The following ARMH1 variants were observed in gnomAD, a reference collection of about 807,000 sequenced individuals.
The protein encoded by ARMH1 is armadillo-like helical domain containing protein 1.
A neutral mutation model predicts 50.2 loss-of-function variants in ARMH1; 34 were observed. The ratio of observed to expected loss-of-function variants is 0.68; its 90% CI spans 0.51 to 0.90. The LOEUF (loss-of-function observed/expected upper bound fraction) is 0.90. Among genes scored for constraint, ARMH1 ranks in the 40% least tolerant of loss-of-function variants. ARMH1 has a pLI of 0.00. For missense variants in ARMH1, 538 were observed against 553.9 expected, an observed-to-expected ratio of 0.97 and a Z score of 0.29; for synonymous variants, 221 against 224.2, an observed-to-expected ratio of 0.99 and a Z score of 0.13.
chr1:44,682,859 G>A lies in ARMH1; in HGVS notation c.-22-6817G>A, dbSNP rs977413566. On this transcript the variant is annotated intron_variant, in intron 1 of 11. Coordinates refer to ENST00000535358, the MANE Select transcript of ARMH1 (RefSeq NM_001145636.2). The surrounding 1 kb of genome is among the most constrained non-coding windows in gnomAD (Gnocchi z 4.5). ...GGAGGCTGAGGTGGGAGGATCACTC[G>A]AGCCCAGGCGATTGAGGCTGCGGTA... is the stretch of plus-strand genomic sequence containing the variant. Among the ~76,000 whole-genome samples the A allele has an allele frequency of 2.0e-5, 3 of 152,164 alleles. No individual in the cohort carries two copies. The highest frequency in any genetic ancestry group is 3.8e-4 in the East Asian group (2 of 5,198).
At chr1:44,677,640 A>C (rs1329354914) in intron 1 of ARMH1, among the ~76,000 whole-genome samples, 1 of 152,200 alleles carries the variant, frequency 6.6e-6, no homozygotes. Flanking sequence ...GTCAGTGACC[A>C]AAGTGGAGTA....
At chr1:44,690,709 C>G (rs996983258) in intron 2 of ARMH1, among the ~76,000 whole-genome samples, 11 of 152,130 alleles carry the variant, frequency 7.2e-5, no homozygotes, top group Non-Finnish European at 1.5e-4. Flanking sequence ...AACAGAGTCT[C>G]TCTCTGTGGC....
intron 2 of ARMH1, among the ~76,000 whole-genome samples, chr1:44,694,004 T>C (rs1240237174): frequency 6.6e-6 from 1 of 152,226 alleles, no homozygotes; most frequent in Non-Finnish European, 1.5e-5. Flanking sequence ...AATGTCAGTG[T>C]GTCTGAGCAT....
At chr1:44,707,186 G>T (rs540735887) in intron 6 of ARMH1, among the ~76,000 whole-genome samples, 6 of 150,282 alleles carry the variant, frequency 4.0e-5, no homozygotes, top group Non-Finnish European at 8.8e-5. Context: ...CAGCCATCAT[G>T]GCTTTTATCC....
chr1:44,703,025 AAGG>A (rs1295098633), intron 5 of ARMH1, among the ~76,000 whole-genome samples: 1 of 152,220 alleles, frequency 6.6e-6, no homozygotes, highest in Non-Finnish European at 1.5e-5. Context: ...AGCAATAGCA[AAGG>A]AGAAGACAGA....
At chr1:44,720,898 G>A (rs557577505) in intron 6 of ARMH1, among the ~76,000 whole-genome samples, 64 of 152,134 alleles carry the variant, frequency 4.2e-4, no homozygotes, top group South Asian at 1.2e-3. Context: ...TTAGCCAGGC[G>A]TGGTGGTGCG....
chr1:44,719,604 C>T (rs1437016316), intron 6 of ARMH1, among the ~76,000 whole-genome samples: 2 of 152,220 alleles, frequency 1.3e-5, no homozygotes, highest in Non-Finnish European at 2.9e-5. Flanking sequence ...TGATAGTTTT[C>T]TGACAAAGTT....
intron 6 of ARMH1, among the ~76,000 whole-genome samples, chr1:44,712,863 CG>C (rs942160365): frequency 6.6e-6 from 1 of 151,912 alleles, no homozygotes; most frequent in African/African-American, 2.4e-5. Context: ...AGGGTTTCAC[CG>C]TGTTGGTCAG....
intron 5 of ARMH1, among the ~76,000 whole-genome samples, chr1:44,701,558 C>T (rs146886897): frequency 2.4e-3 from 366 of 151,634 alleles, no homozygotes; most frequent in Admixed American, 3.7e-3. Context: ...AAGTGAAAAC[C>T]GAATTTGGGG....
chr1:44,715,178 C>A (rs1646802558), intron 6 of ARMH1, among the ~76,000 whole-genome samples: 2 of 152,162 alleles, frequency 1.3e-5, no homozygotes, highest in Middle Eastern at 3.2e-3. Flanking sequence ...TCTGGACCTG[C>A]AGAGAAAGAC....
chr1:44,680,462 C>T (rs1314216284), intron 1 of ARMH1, among the ~76,000 whole-genome samples: 1 of 152,236 alleles, frequency 6.6e-6, no homozygotes, highest in African/African-American at 2.4e-5. Flanking sequence ...GCGTAAGCCA[C>T]TGCGCCCAGC....
intron 6 of ARMH1, among the ~76,000 whole-genome samples, chr1:44,710,814 C>A (rs998482157): frequency 2.6e-5 from 4 of 152,144 alleles, no homozygotes; most frequent in Admixed American, 2.0e-4. Flanking sequence ...TTTCATCCCC[C>A]CAAAAGGAAA....
At chr1:44,698,444 C>T (rs1314061244) in intron 4 of ARMH1, among the ~76,000 whole-genome samples, 1 of 152,178 alleles carries the variant, frequency 6.6e-6, no homozygotes, top group East Asian at 1.9e-4. Context: ...AAATACTTCT[C>T]CTTTTTAAAT....
At chr1:44,680,272 G>A (rs1400352070) in intron 1 of ARMH1, among the ~76,000 whole-genome samples, 1 of 152,204 alleles carries the variant, frequency 6.6e-6, no homozygotes, top group African/African-American at 2.4e-5. Flanking sequence ...AGCCTCCCAG[G>A]TTCAAGTGAT....
intron 6 of ARMH1, among the ~76,000 whole-genome samples, chr1:44,705,992 A>C (rs1646325912): frequency 6.6e-6 from 1 of 152,170 alleles, no homozygotes; most frequent in African/African-American, 2.4e-5. Flanking sequence ...CATTTAGAGA[A>C]GGGATGGTAA....
In ARMH1 at chr1:44,724,821, A is replaced by G. The variant is rs1478081643; in HGVS notation, c.1110A>G (p.Glu370=). The G allele has an allele frequency of 1.3e-6, 2 of 1,541,348 alleles. No homozygotes were observed. The highest frequency in any genetic ancestry group is 2.4e-5 in the East Asian group (1 of 40,854). ...AEHVRKCMGE[E]LYQLFLSNAE... is the part of the protein sequence containing the mutation. ...ACGTGCGCAAGTGCATGGGGGAGGAACTCTACCAGCTCTTCCTGGTAAGTG... is the reference window on the plus strand; with the variant it reads ...ACGTGCGCAAGTGCATGGGGGAGGAGCTCTACCAGCTCTTCCTGGTAAGTG... The change falls in exon 10 of 12, where the codon GAA becomes GAG. Residue 370 remains glutamate, a synonymous_variant. Coordinates refer to ENST00000535358, the MANE Select transcript of ARMH1 (RefSeq NM_001145636.2). This position sits in a 1 kb window ranked among gnomAD's most constrained non-coding sequence, Gnocchi z 6.4.
At chr1:44,715,177 G>C (rs531687300) in intron 6 of ARMH1, among the ~76,000 whole-genome samples, 5 of 152,180 alleles carry the variant, frequency 3.3e-5, no homozygotes, top group Admixed American at 2.0e-4. Flanking sequence ...GTCTGGACCT[G>C]CAGAGAAAGA....
chr1:44,680,440 C>G (rs886479921), intron 1 of ARMH1, among the ~76,000 whole-genome samples: 6 of 152,216 alleles, frequency 3.9e-5, no homozygotes, highest in Non-Finnish European at 7.3e-5. Flanking sequence ...TCCCAAAGTG[C>G]TGGGATTATT....
rs540289385 is a variant in ARMH1 at position 44,679,987 on chromosome 1, A to G, written c.-23+5114A>G. Among the ~76,000 whole-genome samples, 11 of 152,346 alleles carry G rather than the reference A, an allele frequency of 7.2e-5. No homozygotes were observed. The East Asian group carries it at 1.4e-3, about 19-fold the overall frequency. On this transcript the variant is annotated intron_variant, in intron 1 of 11. Coordinates refer to ENST00000535358, the MANE Select transcript of ARMH1 (RefSeq NM_001145636.2). ...TAGAGGAAGAGGTGGCATGGATGGG[A>G]CCAGAGCTGCAAACCCCTAGTTGTC...
Sources: allele counts gnomAD v4.1 joint callset (sites outside exome capture counted in the v4.1 genomes callset), GRCh38; gene constraint gnomAD v4.1.1; non-coding constraint Gnocchi (gnomAD v3.1); transcripts MANE v1.5; gene names NCBI Gene and HGNC (gene_info 2026-07-23, HGNC 2026-07-21).